Variants in FBXO36 observed in about 807,000 individuals in gnomAD.
FBXO36 encodes the protein F-box only protein 36.
A neutral mutation model predicts 17.0 loss-of-function variants in FBXO36; 18 were observed. The observed-to-expected ratio is 1.06, with a 90% CI of 0.73 to 1.57. The LOEUF (loss-of-function observed/expected upper bound fraction) is 1.57, where lower values mean the gene tolerates loss of function less well. Among genes scored for constraint, FBXO36 ranks in the 40% most tolerant of loss-of-function variants. FBXO36 has a pLI of 0.00. For missense variants in FBXO36, 229 were observed against 221.9 expected (o/e 1.03, Z -0.20); for synonymous variants, 83 against 85.3 (o/e 0.97, Z 0.15).
chr2:229,999,124 ATTT>A (rs1178050342), intron 3 of FBXO36, among the ~76,000 whole-genome samples: 4 of 107,988 alleles, frequency 3.7e-5, no homozygotes, highest in Admixed American at 1.0e-4. Flanking sequence ...AAGTAATGTA[ATTT>A]TTTTTTTTTT....
chr2:229,948,263 C>G (rs1448057195), intron 1 of FBXO36, among the ~76,000 whole-genome samples: 1 of 151,680 alleles, frequency 6.6e-6, no homozygotes, highest in Non-Finnish European at 1.5e-5. Flanking sequence ...TATTGGTGTT[C>G]TAATCTACAC....
intron 2 of FBXO36, among the ~76,000 whole-genome samples, chr2:229,992,511 A>G (rs770486246): frequency 6.6e-6 from 1 of 152,150 alleles, no homozygotes; most frequent in Non-Finnish European, 1.5e-5. Flanking sequence ...TTAGACTTCT[A>G]CTAATGGTTT....
At chr2:229,965,726 A>G (rs1179710482) in intron 1 of FBXO36, among the ~76,000 whole-genome samples, 3 of 152,168 alleles carry the variant, frequency 2.0e-5, no homozygotes, top group African/African-American at 7.2e-5. Flanking sequence ...ATGGCTGCAT[A>G]GTATTCTACG....
intron 1 of FBXO36, among the ~76,000 whole-genome samples, chr2:229,963,104 C>T (rs1043719735): frequency 1.8e-4 from 26 of 148,422 alleles, no homozygotes; most frequent in Admixed American, 1.1e-3. Flanking sequence ...CTCACCCTGT[C>T]GCCCAGGCTG....
At chr2:229,972,799 C>T (rs552468511) in intron 1 of FBXO36, among the ~76,000 whole-genome samples, 77 of 151,830 alleles carry the variant, frequency 5.1e-4, no homozygotes, top group African/African-American at 1.8e-3. Context: ...GGTGGTGGCT[C>T]GCGCCTGTAA....
chr2:229,977,318 GT>G (rs2077214140), intron 2 of FBXO36: 1 of 151,606 alleles, frequency 6.6e-6, no homozygotes, highest in Non-Finnish European at 1.5e-5. Context: ...TCTGAGTTGG[GT>G]TTCAGTTTGC....
chr2:229,976,319 G>T lies in FBXO36; in HGVS notation c.175G>T (p.Glu59Ter). 6.2e-7 allele frequency: 1 copy of T among 1,613,640 alleles called. No individual in the cohort carries two copies. Among genetic ancestry groups the T allele is most frequent in the Non-Finnish European group, 8.5e-7 (1 of 1,179,690 alleles). Residue 59 changes from glutamate (E) to a stop codon, truncating the protein, a stop_gained, in exon 2 of 4, where the codon GAA (glutamate) becomes TAA (stop). Coordinates refer to ENST00000283946, the MANE Select transcript of FBXO36 (RefSeq NM_174899.5). LOFTEE classifies it high-confidence loss of function. ...ACCTGGAGAAGCAAAAGAAACCCAT[G>T]AAGACTTCCTAGAGAATTCACATCT... ...TKPGEAKETHEDFLENSHLQG... is the reference protein window; with the variant it reads ...TKPGEAKETH
intron 3 of FBXO36, among the ~76,000 whole-genome samples, chr2:230,004,615 G>A (rs554497847): frequency 1.3e-5 from 2 of 152,048 alleles, no homozygotes; most frequent in South Asian, 2.1e-4. Flanking sequence ...TACATATACC[G>A]GTACACACAC....
chr2:229,939,228 C>G (rs2076984210), intron 1 of FBXO36: 2 of 985,172 alleles, frequency 2.0e-6, no homozygotes, highest in Non-Finnish European at 2.4e-6. Flanking sequence ...CCAACAGATA[C>G]AACTTTCTAC....
chr2:229,935,574 T>A (rs757361789), intron 1 of FBXO36, among the ~76,000 whole-genome samples: 1 of 151,994 alleles, frequency 6.6e-6, no homozygotes, highest in Non-Finnish European at 1.5e-5. Flanking sequence ...TATTAACACA[T>A]AGTAATTTTC....
At chr2:229,960,158 G>T (rs1444372083) in intron 1 of FBXO36, among the ~76,000 whole-genome samples, 1 of 151,740 alleles carries the variant, frequency 6.6e-6, no homozygotes, top group Non-Finnish European at 1.5e-5. Context: ...TATCCATCTA[G>T]AATTTATTTA....
intron 1 of FBXO36, among the ~76,000 whole-genome samples, chr2:229,956,746 C>T (rs996626184): frequency 6.6e-6 from 1 of 152,070 alleles, no homozygotes; most frequent in African/African-American, 2.4e-5. Context: ...CCTCTCACTG[C>T]ACTTTGGGAG....
intron 1 of FBXO36, among the ~76,000 whole-genome samples, chr2:229,945,620 C>T (rs1484757244): frequency 6.6e-6 from 1 of 150,732 alleles, no homozygotes; most frequent in Non-Finnish European, 1.5e-5. Context: ...TCATGAATTT[C>T]TCCCTTAATT....
At chr2:229,933,937 T>G (rs1305802117) in intron 1 of FBXO36, among the ~76,000 whole-genome samples, 1 of 151,960 alleles carries the variant, frequency 6.6e-6, no homozygotes, top group Non-Finnish European at 1.5e-5. Context: ...CTGCCCGCTT[T>G]GGCCTCCCAA....
intron 1 of FBXO36, among the ~76,000 whole-genome samples, chr2:229,955,606 A>G (rs1333773171): frequency 6.6e-6 from 1 of 152,062 alleles, no homozygotes; most frequent in Non-Finnish European, 1.5e-5. Context: ...TGGAATCCCC[A>G]TGGGAGTCGG....
At chr2:229,936,511 A>C (rs1261204086) in intron 1 of FBXO36, among the ~76,000 whole-genome samples, 1 of 152,214 alleles carries the variant, frequency 6.6e-6, no homozygotes, top group Admixed American at 6.6e-5. Flanking sequence ...AGATTGTTTT[A>C]TAAGTTCAGA....
chr2:229,956,092 A>G (rs753474186), intron 1 of FBXO36, among the ~76,000 whole-genome samples: 2 of 152,328 alleles, frequency 1.3e-5, no homozygotes, highest in Admixed American at 6.5e-5. Context: ...AGTAAAATCT[A>G]TTCTTACAAT....
intron 1 of FBXO36, among the ~76,000 whole-genome samples, chr2:229,975,810 T>G (rs539509859): frequency 5.9e-5 from 3 of 50,928 alleles, no homozygotes; most frequent in Admixed American, 1.7e-4. Flanking sequence ...TTTTTTTTGG[T>G]GGGGGGGCGG....
intron 3 of FBXO36, among the ~76,000 whole-genome samples, chr2:230,003,341 C>T (rs754886084): frequency 1.3e-5 from 2 of 151,054 alleles, no homozygotes; most frequent in Non-Finnish European, 2.9e-5. Flanking sequence ...TCTTTATTAT[C>T]ATTTTATTTT....
Sources: gnomAD v4.1 joint callset for allele counts (sites outside exome capture counted in the v4.1 genomes callset) on GRCh38, gnomAD v4.1.1 for gene constraint, MANE v1.5 for transcripts, NCBI Gene and HGNC (gene_info 2026-07-23, HGNC 2026-07-21) for gene names.